OR51B5: variants seen among roughly 807,000 people sequenced by gnomAD.
The protein encoded by OR51B5 is olfactory receptor 51B5.
For synonymous variants in OR51B5, 186 were observed against 144.8 expected (o/e 1.28, Z -2.04); for missense variants, 456 against 374.6 (o/e 1.22, Z -1.79).
intron 1 of OR51B5, among the ~76,000 whole-genome samples, chr11:5,477,867 A>G (rs2133805807): frequency 6.6e-6 from 1 of 152,240 alleles, no homozygotes; most frequent in South Asian, 2.1e-4. Context: ...TCCTACGCCC[A>G]CGGAGTCTCC....
At chr11:5,440,019 T>G (rs1850652718) in intron 1 of OR51B5, among the ~76,000 whole-genome samples, 1 of 152,190 alleles carries the variant, frequency 6.6e-6, no homozygotes, top group Non-Finnish European at 1.5e-5. Context: ...GTACCCTTCT[T>G]TCTTCCTGCC....
At chr11:5,450,578 C>G (rs1162943613) in intron 1 of OR51B5, among the ~76,000 whole-genome samples, 1 of 152,094 alleles carries the variant, frequency 6.6e-6, no homozygotes, top group African/African-American at 2.4e-5. Flanking sequence ...GGTTCTAGTT[C>G]CAGGAATAGG....
At chr11:5,472,871 G>A (rs536708291) in intron 1 of OR51B5, among the ~76,000 whole-genome samples, 1 of 152,184 alleles carries the variant, frequency 6.6e-6, no homozygotes, top group African/African-American at 2.4e-5. Context: ...GGGCACAACG[G>A]AGAGGAGCCT....
intron 1 of OR51B5, chr11:5,392,932 A>C (rs1849818728): frequency 6.6e-6 from 1 of 151,768 alleles, no homozygotes; most frequent in Non-Finnish European, 1.5e-5. Flanking sequence ...AAAAAGAAAA[A>C]TAAATAAATA....
At chr11:5,362,357 A>T (rs17355626) in intron 1 of OR51B5, among the ~76,000 whole-genome samples, 57,734 of 152,078 alleles carry the variant, frequency 0.38, 11,188 homozygotes, top group Non-Finnish European at 0.41. Context: ...TCAACTACGA[A>T]GATGGTCAGG....
intron 1 of OR51B5, among the ~76,000 whole-genome samples, chr11:5,497,481 C>A (rs554293022): frequency 6.6e-6 from 1 of 152,254 alleles, no homozygotes; most frequent in East Asian, 1.9e-4. Flanking sequence ...GTGATGTAGA[C>A]CCCCAGGCTC....
intron 1 of OR51B5, among the ~76,000 whole-genome samples, chr11:5,406,415 G>A (rs1468458273): frequency 6.6e-6 from 1 of 152,086 alleles, no homozygotes; most frequent in Non-Finnish European, 1.5e-5. Context: ...AAATCACACA[G>A]TGAAAAGAAT....
At chr11:5,375,744 TCAA>T (rs1213126482) in intron 1 of OR51B5, among the ~76,000 whole-genome samples, 2 of 151,990 alleles carry the variant, frequency 1.3e-5, no homozygotes, top group Admixed American at 1.3e-4. Flanking sequence ...AGGGATCAAT[TCAA>T]CAAGAAGAGC....
intron 1 of OR51B5, among the ~76,000 whole-genome samples, chr11:5,424,184 G>A (rs1850404974): frequency 3.3e-5 from 5 of 152,152 alleles, no homozygotes; most frequent in Admixed American, 3.3e-4. Flanking sequence ...AATCAACATA[G>A]GCAGTGGGAG....
intron 1 of OR51B5, among the ~76,000 whole-genome samples, chr11:5,411,425 A>G (rs1256831849): frequency 6.6e-6 from 1 of 152,002 alleles, no homozygotes; most frequent in Non-Finnish European, 1.5e-5. Flanking sequence ...CACAACTACA[A>G]TATTGACTAA....
intron 1 of OR51B5, among the ~76,000 whole-genome samples, chr11:5,372,701 A>C (rs1368197118): frequency 2.0e-5 from 3 of 152,226 alleles, no homozygotes; most frequent in African/African-American, 7.2e-5. Flanking sequence ...ATTTTCTCCC[A>C]AACTGTTCCT....
intron 1 of OR51B5, among the ~76,000 whole-genome samples, chr11:5,478,283 G>C (rs1851350855): frequency 6.6e-6 from 1 of 152,000 alleles, no homozygotes; most frequent in Admixed American, 6.6e-5. Context: ...TATTCCAACA[G>C]ACTTGCAGCT....
intron 1 of OR51B5, among the ~76,000 whole-genome samples, chr11:5,473,925 C>A (rs1415370007): frequency 6.6e-6 from 1 of 151,100 alleles, no homozygotes; most frequent in East Asian, 1.9e-4. Context: ...CGGGAAAGTA[C>A]CTGTAGTTAC....
intron 1 of OR51B5, among the ~76,000 whole-genome samples, chr11:5,376,046 G>T (rs967518630): frequency 2.6e-5 from 4 of 151,810 alleles, no homozygotes; most frequent in Non-Finnish European, 5.9e-5. Context: ...TTCCAAAATT[G>T]ACCACATACT....
intron 1 of OR51B5, among the ~76,000 whole-genome samples, chr11:5,491,243 G>A (rs1372337867): frequency 6.6e-6 from 1 of 152,182 alleles, no homozygotes; most frequent in Non-Finnish European, 1.5e-5. Context: ...CACTGAGGCT[G>A]TTCAGATACA....
chr11:5,387,996 G>A (rs1849726817), intron 1 of OR51B5, among the ~76,000 whole-genome samples: 1 of 152,082 alleles, frequency 6.6e-6, no homozygotes, highest in African/African-American at 2.4e-5. Context: ...GCCATTGAAA[G>A]TAATGGTAAA....
intron 1 of OR51B5, chr11:5,454,529 GA>G: frequency 3.0e-6 from 3 of 1,005,064 alleles, no homozygotes; most frequent in Non-Finnish European, 4.4e-6. Flanking sequence ...TGTGCTGCGG[GA>G]AAAGTAGGCC....
intron 1 of OR51B5, among the ~76,000 whole-genome samples, chr11:5,467,004 TC>T (rs140983486): frequency 0.041 from 6,205 of 152,316 alleles, 446 homozygotes; most frequent in African/African-American, 0.14. Context: ...TAATGTACTT[TC>T]CTTTGGGCTG....
chr11:5,423,023 C>G lies in OR51B5; in HGVS notation n.85-76113G>C. On this transcript the variant is annotated intron_variant and non_coding_transcript_variant, in intron 1 of 4. Coordinates refer to the OR51B5 transcript ENST00000415970. ...TGCCAAGCATGCCTCTCCACTGGTC[C>G]ATGTTATCATGGCCAATATCTACCT... The G allele has an allele frequency of 1.2e-6, 2 of 1,614,084 alleles. No individual in the cohort carries two copies. Among genetic ancestry groups the G allele is most frequent in the Non-Finnish European group, 1.7e-6 (2 of 1,180,020 alleles).
Sources: gnomAD v4.1 joint callset for allele counts (sites outside exome capture counted in the v4.1 genomes callset) on GRCh38, gnomAD v4.1.1 for gene constraint, MANE v1.5 for transcripts, NCBI Gene and HGNC (gene_info 2026-07-23, HGNC 2026-07-21) for gene names.